Variants in TBC1D24 observed in about 807,000 individuals in gnomAD.
TBC1D24 encodes the protein TBC1 domain family member 24.
Under a neutral mutation model 50.7 loss-of-function variants are expected in TBC1D24, and 47 were observed. That is an observed-to-expected ratio of 0.93 (90% CI 0.73 to 1.18). The LOEUF is 1.18. Among genes scored for constraint, TBC1D24 ranks in the 50% most tolerant of loss-of-function variants. The pLI, the probability that TBC1D24 is intolerant of heterozygous loss-of-function variation, is 0.00. For synonymous variants in TBC1D24, 324 were observed against 335.2 expected (o/e 0.97, Z 0.36); for missense variants, 688 against 766.5 (o/e 0.90, Z 1.21).
chr16:2,495,130 A>C (rs1378168223), intron 1 of TBC1D24, among the ~76,000 whole-genome samples: 1 of 152,160 alleles, frequency 6.6e-6, no homozygotes, highest in Non-Finnish European at 1.5e-5. Flanking sequence ...TGGTGGGTGG[A>C]TTGCTTGAGA....
intron 1 of TBC1D24, among the ~76,000 whole-genome samples, chr16:2,494,640 C>T (rs1335125467): frequency 6.6e-6 from 1 of 151,986 alleles, no homozygotes; most frequent in Non-Finnish European, 1.5e-5. Flanking sequence ...CTGGCCTCAA[C>T]TAGTCCTCCC....
At chr16:2,498,475 C>T (rs951976629) in intron 4 of TBC1D24, 79 bp downstream of exon 4, 6 of 1,371,558 alleles carry the variant, frequency 4.4e-6, no homozygotes, top group African/African-American at 4.4e-5. Flanking sequence ...AAATGGGCCT[C>T]AAACCTCGGC....
chr16:2,491,314 C>CT (rs565041344), intron 1 of TBC1D24, among the ~76,000 whole-genome samples: 7 of 150,978 alleles, frequency 4.6e-5, no homozygotes, highest in East Asian at 1.9e-4. Context: ...TAATGAAAGA[C>CT]TTTTTTTTTA....
rs1428044631 is a variant in TBC1D24, at chr16:2,496,111, C to G, written c.-38C>G. 1 of 1,612,476 alleles carries G rather than the reference C, an allele frequency of 6.2e-7. No individual in the cohort carries two copies. The highest frequency in any genetic ancestry group is 8.5e-7 in the Non-Finnish European group (1 of 1,179,554). Reference sequence around the variant, plus strand: ...GATTTAGCCACTCTGTCCTCCCCTTCCGGCAGTCCAGGGCCTCCTCCCGAG... The same window carrying G: ...GATTTAGCCACTCTGTCCTCCCCTTGCGGCAGTCCAGGGCCTCCTCCCGAG... On this transcript the variant is annotated 5_prime_UTR_variant, in exon 2 of 8. Transcript: ENST00000646147.
chr16:2,487,101 A>T lies in TBC1D24; in HGVS notation c.-115-8933A>T, dbSNP rs555218527. On this transcript the variant is annotated intron_variant, in intron 1 of 7. Transcript: ENST00000646147. This position sits in a 1 kb window ranked among gnomAD's most constrained non-coding sequence, Gnocchi z 4.1. Reference sequence around the variant, plus strand: ...TCTTAGCGCATCCCAGCCCCTCAGCACTGCCAGGGCCGCCCAGCTCGCCTT... The same window carrying T: ...TCTTAGCGCATCCCAGCCCCTCAGCTCTGCCAGGGCCGCCCAGCTCGCCTT... Among the ~76,000 whole-genome samples, 1 of 152,260 alleles carries T rather than the reference A, an allele frequency of 6.6e-6. No homozygotes were observed. The highest frequency in any genetic ancestry group is 1.5e-5 in the Non-Finnish European group (1 of 68,012).
chr16:2,477,511 G>A (rs1287308077), intron 1 of TBC1D24: 2 of 152,290 alleles, frequency 1.3e-5, no homozygotes, highest in Admixed American at 6.5e-5. Context: ...ACTGCAGTGA[G>A]CTGTGATTGT....
At position 2,501,149 on chromosome 16, in the gene TBC1D24, A is replaced by G. The variant is rs1311881313; in HGVS notation, c.*191A>G. On this transcript the variant is annotated 3_prime_UTR_variant, in exon 8 of 8. Transcript: ENST00000646147. ...CCTGGGGTTTGGGCTGGGCTTCCCCAGTCCACCTGCATCTGGGTCAGAGCT... is the reference window on the plus strand; with the variant it reads ...CCTGGGGTTTGGGCTGGGCTTCCCCGGTCCACCTGCATCTGGGTCAGAGCT... The G allele has an allele frequency of 1.5e-6, 1 of 686,060 alleles. No individual in the cohort carries two copies. Among genetic ancestry groups the G allele is most frequent in the East Asian group, 2.7e-5 (1 of 36,686 alleles). The allele number at this position is 686,060 out of a possible 1,614,324, so 42.5% of individuals were successfully genotyped here.
In TBC1D24 at chr16:2,487,786, C is replaced by T. The variant is rs115964494; in HGVS notation, c.-115-8248C>T. Among the ~76,000 whole-genome samples, 2,522 of 152,032 alleles carry T rather than the reference C, an allele frequency of 0.017. 52 individuals are homozygous for T. The highest frequency in any genetic ancestry group is 0.053 in the African/African-American group (2,197 of 41,450). ...CGGGGTGGCCTGTGTCTCCAGGACTCGTGGGAGGGCCCTGGTACTAGAAGT... is the reference window on the plus strand; with the variant it reads ...CGGGGTGGCCTGTGTCTCCAGGACTTGTGGGAGGGCCCTGGTACTAGAAGT... On this transcript the variant is annotated intron_variant, in intron 1 of 7. Coordinates refer to ENST00000646147, the MANE Select transcript of TBC1D24 (RefSeq NM_001199107.2). The surrounding 1 kb of genome is among the most constrained non-coding windows in gnomAD (Gnocchi z 4.1).
Position 2,486,125 on chromosome 16 carries a change from C to A in TBC1D24, c.-115-9909C>A, listed in dbSNP as rs1596958471. On this transcript the variant is annotated intron_variant, in intron 1 of 7. Transcript: ENST00000646147. This position sits in a 1 kb window ranked among gnomAD's most constrained non-coding sequence, Gnocchi z 5.8. ...CCACCAGGTTTCCTCTGTATCCCCG[C>A]AGCACTTGGCAAGGTCCAGGGGCTT... Among the ~76,000 whole-genome samples, 3 of 152,348 alleles carry A rather than the reference C, an allele frequency of 2.0e-5. No homozygotes were observed. Among genetic ancestry groups the A allele is most frequent in the African/African-American group, 7.2e-5 (3 of 41,578 alleles).
In TBC1D24 at chr16:2,501,105, G is replaced by A; in HGVS notation, c.*147G>A. ...CCCATGGCCAAGCCTGGCGTTGCCT[G>A]GACCTGCTGCTGCCTCTACCTGGGG... On this transcript the variant is annotated 3_prime_UTR_variant, in exon 8 of 8. Coordinates refer to ENST00000646147, the MANE Select transcript of TBC1D24 (RefSeq NM_001199107.2). The A allele has an allele frequency of 1.9e-6, 2 of 1,046,462 alleles. No homozygotes were observed. The highest frequency in any genetic ancestry group is 1.5e-5 in the South Asian group (1 of 65,202). 64.8% of individuals were successfully genotyped at this position (1,046,462 alleles called of 1,614,324 possible). A position where few individuals can be genotyped will look rare whatever the true frequency, so the allele number is the denominator to read the frequency against.
At position 2,483,107 on chromosome 16, in the gene TBC1D24, G is replaced by A. The variant is rs117607604; in HGVS notation, c.-116+7937G>A. 8.5e-3 allele frequency: 1,307 copies of A among 153,026 alleles called. 12 individuals carry two copies. The highest frequency in any genetic ancestry group is 0.015 in the Non-Finnish European group (998 of 68,520). 9.5% of individuals were successfully genotyped at this position (153,026 alleles called of 1,614,324 possible). A position where few individuals can be genotyped will look rare whatever the true frequency, so the allele number is the denominator to read the frequency against. On this transcript the variant is annotated intron_variant, in intron 1 of 7. Coordinates refer to ENST00000646147, the MANE Select transcript of TBC1D24 (RefSeq NM_001199107.2). The surrounding 1 kb of genome is among the most constrained non-coding windows in gnomAD (Gnocchi z 4.0). ...AGGAGGTGAGAGCCAGGACTGAGGG[G>A]GGGCCTTGGTCTGTGGTGGGAATGC...
chr16:2,491,682 G>A (rs537691260), intron 1 of TBC1D24, among the ~76,000 whole-genome samples: 4 of 151,802 alleles, frequency 2.6e-5, no homozygotes, highest in South Asian at 4.1e-4. Context: ...AGCCTCCCAC[G>A]TAGCTGGGAC....
In TBC1D24 at chr16:2,496,032, A is replaced by C; in HGVS notation, c.-115-2A>C. On this transcript the variant is annotated splice_acceptor_variant, in intron 1 of 7. Coordinates refer to ENST00000646147, the MANE Select transcript of TBC1D24 (RefSeq NM_001199107.2). LOFTEE classifies it low-confidence loss of function (5UTR_SPLICE). ...GCTAAAAGTGTTTTTTTAATCCTGC[A>C]GGGTGTGAGATGGCAGACAGGTTTG... 7.7e-7 allele frequency: 1 copy of C among 1,302,712 alleles called. No homozygotes were observed. The highest frequency in any genetic ancestry group is 1.1e-6 in the Non-Finnish European group (1 of 927,142). 80.7% of individuals were successfully genotyped at this position (1,302,712 alleles called of 1,614,324 possible). A position where few individuals can be genotyped will look rare whatever the true frequency, so the allele number is the denominator to read the frequency against.
At chr16:2,495,412 A>G (rs569882112) in intron 1 of TBC1D24, among the ~76,000 whole-genome samples, 1 of 152,118 alleles carries the variant, frequency 6.6e-6, no homozygotes, top group Non-Finnish European at 1.5e-5. Context: ...TTGGGAGGCC[A>G]AGACAGGAGG....
chr16:2,496,778 G>A lies in TBC1D24; in HGVS notation c.630G>A (p.Ala210=), dbSNP rs776459372. The A allele has an allele frequency of 6.1e-5, 99 of 1,613,866 alleles. No homozygotes were observed. In the South Asian group the frequency reaches 7.1e-4, roughly 12 times the overall value. ...CGGAGGATGTCCTGCAGGTCTATGCGGACTGGCAGCGCTGGCTGTTTGGGG... is the reference window on the plus strand; with the variant it reads ...CGGAGGATGTCCTGCAGGTCTATGCAGACTGGCAGCGCTGGCTGTTTGGGG... ...AVSEDVLQVY[A]DWQRWLFGEL... is the part of the protein sequence containing the mutation. Residue 210 remains alanine (A), a synonymous_variant, in exon 2 of 8, where the codon GCG becomes GCA. Coordinates refer to ENST00000646147, the MANE Select transcript of TBC1D24 (RefSeq NM_001199107.2).
In TBC1D24 at chr16:2,485,787, G is replaced by C. The variant is rs558353350; in HGVS notation, c.-115-10247G>C. Among the ~76,000 whole-genome samples the C allele has an allele frequency of 1.3e-5, 2 of 152,250 alleles. No homozygotes were observed. The highest frequency in any genetic ancestry group is 2.9e-5 in the Non-Finnish European group (2 of 68,042). On this transcript the variant is annotated intron_variant, in intron 1 of 7. Transcript: ENST00000646147. This position sits in a 1 kb window ranked among gnomAD's most constrained non-coding sequence, Gnocchi z 4.6. Reference sequence around the variant, plus strand: ...AAACCCCCGCATCTTCTGGGTCGCAGATCCTGTGCCGATTGCGGTGCTGGC... The same window carrying C: ...AAACCCCCGCATCTTCTGGGTCGCACATCCTGTGCCGATTGCGGTGCTGGC...
At chr16:2,490,495 C>T (rs895418581) in intron 1 of TBC1D24, among the ~76,000 whole-genome samples, 1 of 152,192 alleles carries the variant, frequency 6.6e-6, no homozygotes, top group Non-Finnish European at 1.5e-5. Context: ...ACAGGAGGCA[C>T]CCTCACAGGG....
Position 2,499,240 on chromosome 16 carries a change from G to A in TBC1D24, c.1143-117G>A, listed in dbSNP as rs1021480302. 1.1e-6 allele frequency: 1 copy of A among 918,964 alleles called. No individual in the cohort carries two copies. The highest frequency in any genetic ancestry group is 1.6e-5 in the African/African-American group (1 of 60,806). The allele number at this position is 918,964 out of a possible 1,614,324, so 56.9% of individuals were successfully genotyped here. A position where few individuals can be genotyped will look rare whatever the true frequency, so the allele number is the denominator to read the frequency against. ...GGTGAGGGTGTTGTCGGGACCCAGA[G>A]AGAAGGAAGCACAGTTCCCAGGTCT... On this transcript the variant is annotated intron_variant, in intron 4 of 7. Coordinates refer to ENST00000646147, the MANE Select transcript of TBC1D24 (RefSeq NM_001199107.2). This position sits in a 1 kb window ranked among gnomAD's most constrained non-coding sequence, Gnocchi z 4.0.
chr16:2,489,202 C>T (rs1011755584), intron 1 of TBC1D24, among the ~76,000 whole-genome samples: 4 of 151,892 alleles, frequency 2.6e-5, no homozygotes, highest in Non-Finnish European at 5.9e-5. Flanking sequence ...GAGGCTGAGG[C>T]GGGCGGATCA....
Sources: gnomAD v4.1 joint callset for allele counts (sites outside exome capture counted in the v4.1 genomes callset) on GRCh38, gnomAD v4.1.1 for gene constraint, Gnocchi (gnomAD v3.1) non-coding constraint, MANE v1.5 for transcripts, NCBI Gene and HGNC (gene_info 2026-07-23, HGNC 2026-07-21) for gene names.